The following SERPINA3 variants were observed in gnomAD, a reference collection of about 807,000 sequenced individuals.
SERPINA3 encodes the protein serpin family A member 3.
SERPINA3 carries 32 observed loss-of-function variants against 26.8 expected under a neutral mutation model. The ratio of observed to expected loss-of-function variants is 1.20; its 90% CI spans 0.90 to 1.61. The LOEUF is 1.61. Among genes scored for constraint, SERPINA3 ranks in the 40% most tolerant of loss-of-function variants. The pLI is 0.00. For missense variants in SERPINA3, 632 were observed against 517.9 expected, an observed-to-expected ratio of 1.22 and a Z score of -2.14; for synonymous variants, 252 against 206.4, an observed-to-expected ratio of 1.22 and a Z score of -1.89.
At chr14:94,614,371 G>A (rs957775579) in intron 1 of SERPINA3, 63 bp from the exon 2 acceptor site, 35 of 1,523,238 alleles carry the variant, frequency 2.3e-5, no homozygotes, top group African/African-American at 4.1e-5. Context: ...TGGGTGGAGG[G>A]CAGTGGGAGG....
intron 3 of SERPINA3, chr14:94,619,934 G>T: frequency 5.1e-6 from 1 of 197,962 alleles, no homozygotes; most frequent in East Asian, 1.2e-4. Flanking sequence ...TTTGCACCCT[G>T]AGAGTAAATC....
chr14:94,615,226 C>T, intron 2 of SERPINA3, 142 bp downstream of exon 2: 1 of 933,750 alleles, frequency 1.1e-6, no homozygotes, highest in Admixed American at 1.8e-5. Flanking sequence ...AGGCCCCACC[C>T]TGCCCATAGG....
chr14:94,616,816 T>C (rs1326107497), intron 2 of SERPINA3, among the ~76,000 whole-genome samples: 1 of 152,124 alleles, frequency 6.6e-6, no homozygotes, highest in Non-Finnish European at 1.5e-5. Flanking sequence ...GACACTAGAC[T>C]AACCAGACAT....
At chr14:94,612,472 G>A (rs1458420266) in intron 1 of SERPINA3, 25 bp downstream of exon 1, 2 of 1,324,100 alleles carry the variant, frequency 1.5e-6, no homozygotes, top group South Asian at 2.3e-5. Context: ...TTTACATCCT[G>A]GGAGCGGAGG....
intron 2 of SERPINA3, among the ~76,000 whole-genome samples, chr14:94,616,559 TC>T (rs1886008331): frequency 6.6e-6 from 1 of 152,122 alleles, no homozygotes; most frequent in African/African-American, 2.4e-5. Context: ...CTGCTCTTCC[TC>T]TTCCATTGCA....
At position 94,623,918 on chromosome 14, in the gene SERPINA3, G is replaced by T. The variant is rs760237854; in HGVS notation, c.*104G>T. On this transcript the variant is annotated 3_prime_UTR_variant, in exon 5 of 5. Coordinates refer to ENST00000393078, the MANE Select transcript of SERPINA3 (RefSeq NM_001085.5). ...GGCCCCTGTGCACCGAGTGGCCATG[G>T]CATGTGTGGCCCTGTCTGCTTATCC... 2.1e-6 allele frequency: 2 copies of T among 975,382 alleles called. No individual in the cohort carries two copies. The highest frequency in any genetic ancestry group is 2.4e-5 in the East Asian group (1 of 42,026). 60.4% of individuals were successfully genotyped at this position (975,382 alleles called of 1,614,324 possible). A position where few individuals can be genotyped will look rare whatever the true frequency, so the allele number is the denominator to read the frequency against.
At position 94,615,481 on chromosome 14, in the gene SERPINA3, G is replaced by A. The variant is rs1163453469; in HGVS notation, c.643+397G>A. ...GAAGTCCCTCTGTCTGGATGCACCT[G>A]GGGCTCCTGCCCTGCACATGTGGGA... On this transcript the variant is annotated intron_variant, in intron 2 of 4. Coordinates refer to ENST00000393078, the MANE Select transcript of SERPINA3 (RefSeq NM_001085.5). 1.5e-5 allele frequency: 7 copies of A among 459,440 alleles called. No homozygotes were observed. The East Asian group carries it at 4.8e-4, about 31-fold the overall frequency. 28.5% of individuals were successfully genotyped at this position (459,440 alleles called of 1,614,324 possible).
rs550016045 is a variant in SERPINA3, at chr14:94,623,885, C to T, written c.*71C>T. 2.2e-5 allele frequency: 30 copies of T among 1,354,550 alleles called. No individual in the cohort carries two copies. The highest frequency in any genetic ancestry group is 2.7e-5 in the Non-Finnish European group (26 of 950,422). The allele number at this position is 1,354,550 out of a possible 1,614,324, so 83.9% of individuals were successfully genotyped here. A position where few individuals can be genotyped will look rare whatever the true frequency, so the allele number is the denominator to read the frequency against. Reference sequence around the variant, plus strand: ...CAAGCTGGATGCCTGGGTCTCTGGGCACAGCCTGGCCCCTGTGCACCGAGT... The same window carrying T: ...CAAGCTGGATGCCTGGGTCTCTGGGTACAGCCTGGCCCCTGTGCACCGAGT... On this transcript the variant is annotated 3_prime_UTR_variant, in exon 5 of 5. Transcript: ENST00000393078.
At chr14:94,619,822 G>A in intron 3 of SERPINA3, 1 of 378,746 alleles carries the variant, frequency 2.6e-6, no homozygotes, top group Non-Finnish European at 5.0e-6. Context: ...CAGTGAGATG[G>A]ACTCTGAGAA....
rs182970392 is a variant in SERPINA3, at chr14:94,619,993, T to C, written c.917+525T>C. 10 of 201,498 alleles carry C rather than the reference T, an allele frequency of 5.0e-5. No individual in the cohort carries two copies. In the East Asian group the frequency reaches 8.9e-4, roughly 18 times the overall value. 12.5% of individuals were successfully genotyped at this position (201,498 alleles called of 1,614,324 possible). On this transcript the variant is annotated intron_variant, in intron 3 of 4. Coordinates refer to ENST00000393078, the MANE Select transcript of SERPINA3 (RefSeq NM_001085.5). ...TGCCCTCCTGGAGCTTAATTTGTAA[T>C]TGGAGAGGGGACAGGCAATAAATAA... is the stretch of plus-strand genomic sequence containing the variant.
chr14:94,618,199 C>A (rs953819802), intron 2 of SERPINA3: 1 of 152,138 alleles, frequency 6.6e-6, no homozygotes, highest in African/African-American at 2.4e-5. Context: ...CATCCTTATT[C>A]CTTTTTAGAT....
chr14:94,619,486 C>A lies in SERPINA3; in HGVS notation c.917+18C>A. Reference sequence around the variant, plus strand: ...GAGTTCAGGTGATTCTTCCTGGCCCCCAAAGACCCCACATCTCTCCACGTC... The same window carrying A: ...GAGTTCAGGTGATTCTTCCTGGCCCACAAAGACCCCACATCTCTCCACGTC... On this transcript the variant is annotated intron_variant, in intron 3 of 4. Transcript: ENST00000393078. The A allele has an allele frequency of 6.2e-7, 1 of 1,613,698 alleles. No individual in the cohort carries two copies. Among genetic ancestry groups the A allele is most frequent in the Non-Finnish European group, 8.5e-7 (1 of 1,179,894 alleles).
At position 94,619,241 on chromosome 14, in the gene SERPINA3, G is replaced by T. The variant is rs1352062272; in HGVS notation, c.690G>T (p.Arg230Ser). 1.2e-6 allele frequency: 2 copies of T among 1,613,654 alleles called. No homozygotes were observed. The highest frequency in any genetic ancestry group is 1.7e-5 in the Admixed American group (1 of 60,026). ...ACCCCCAAGATACTCATCAGTCAAG[G>T]TTCTACTTGAGCAAGAAAAAGTGGG... ...PFDPQDTHQS[R>S]FYLSKKKWVM... Residue 230 changes from arginine (R) to serine (S), a missense_variant, in exon 3 of 5, where the codon AGG (arginine) becomes AGT (serine). By Grantham distance (110) the Arg-to-Ser change is moderately radical (BLOSUM62 -1). Coordinates refer to ENST00000393078, the MANE Select transcript of SERPINA3 (RefSeq NM_001085.5).
In SERPINA3 at chr14:94,623,852, T is replaced by G; in HGVS notation, c.*38T>G. On this transcript the variant is annotated 3_prime_UTR_variant, in exon 5 of 5. Transcript: ENST00000393078. ...AGCAGTGGGGCTCTCAGTAAGGAACTTGGAATGCAAGCTGGATGCCTGGGT... is the reference window on the plus strand; with the variant it reads ...AGCAGTGGGGCTCTCAGTAAGGAACGTGGAATGCAAGCTGGATGCCTGGGT... The G allele has an allele frequency of 6.3e-7, 1 of 1,581,412 alleles. No individual in the cohort carries two copies. Among genetic ancestry groups the G allele is most frequent in the Non-Finnish European group, 8.7e-7 (1 of 1,151,806 alleles).
intron 2 of SERPINA3, chr14:94,618,853 G>A (rs970389397): frequency 4.5e-6 from 2 of 442,662 alleles, no homozygotes; most frequent in East Asian, 4.5e-5. Context: ...AACAAAGGCT[G>A]TCCCATTTCT....
At chr14:94,615,106 T>C (rs1227896081) in intron 2 of SERPINA3, 22 bp downstream of exon 2, 4 of 1,612,544 alleles carry the variant, frequency 2.5e-6, no homozygotes, top group Middle Eastern at 1.7e-4. Context: ...TGGCTTGGGG[T>C]TCAGAAGAGG....
chr14:94,620,844 G>A (rs1566848053), intron 3 of SERPINA3, among the ~76,000 whole-genome samples: 1 of 152,196 alleles, frequency 6.6e-6, no homozygotes, highest in Non-Finnish European at 1.5e-5. Context: ...GGGAGTGCAT[G>A]TGGGCAGCTG....
Position 94,622,508 on chromosome 14 carries a change from G to A in SERPINA3, c.1068+17G>A, listed in dbSNP as rs369052250. On this transcript the variant is annotated intron_variant, in intron 4 of 4. Transcript: ENST00000393078. The stretch of plus-strand genomic sequence containing the variant: ...GTCTCCCAGGTGAGTCTTTAGACTT[G>A]GGTCAATTCATCCTTTGTATCCGAA... The A allele has an allele frequency of 6.2e-7, 1 of 1,613,632 alleles. No individual in the cohort carries two copies. The highest frequency in any genetic ancestry group is 1.3e-5 in the African/African-American group (1 of 74,916).
chr14:94,619,311 T>G lies in SERPINA3; in HGVS notation c.760T>G (p.Phe254Val), dbSNP rs868240398. The change falls in exon 3 of 5, where the codon TTC becomes GTC. Residue 254 changes from phenylalanine to valine, a missense_variant. Coordinates refer to ENST00000393078, the MANE Select transcript of SERPINA3 (RefSeq NM_001085.5). ...MSLHHLTIPY[F>V]RDEELSCTVV... ...TTTGCATCACCTGACTATACCTTAC[T>G]TCCGGGACGAGGAGCTGTCCTGCAC... 6.2e-7 allele frequency: 1 copy of G among 1,614,206 alleles called. No individual in the cohort carries two copies. The highest frequency in any genetic ancestry group is 1.6e-4 in the Middle Eastern group (1 of 6,062).
Sources: allele counts gnomAD v4.1 joint callset (sites outside exome capture counted in the v4.1 genomes callset), GRCh38; gene constraint gnomAD v4.1.1; transcripts MANE v1.5; gene names NCBI Gene and HGNC (gene_info 2026-07-23, HGNC 2026-07-21).